Variants in KAZN observed in about 807,000 individuals in gnomAD.
KAZN encodes the protein kazrin, periplakin interacting protein.
In KAZN, 40 loss-of-function variants were observed where a neutral mutation model predicts 87.4. The ratio of observed to expected loss-of-function variants is 0.46; its 90% confidence interval spans 0.36 to 0.60. KAZN has a LOEUF of 0.60. KAZN is among the 20% of genes least tolerant of loss of function. KAZN has a pLI of 0.00. For missense variants in KAZN, 898 were observed against 1,073.9 expected (o/e 0.84, Z 2.29); for synonymous variants, 466 against 458.3 (o/e 1.02, Z -0.22).
chr1:14,300,394 G>A (rs1325607793), intron 2 of KAZN, among the ~76,000 whole-genome samples: 1 of 152,022 alleles, frequency 6.6e-6, no homozygotes, highest in African/African-American at 2.4e-5. Flanking sequence ...ACCATGCCCT[G>A]CTAATTGTTG....
intron 1 of KAZN, among the ~76,000 whole-genome samples, chr1:13,967,990 G>A (rs576922345): frequency 2.0e-5 from 3 of 152,340 alleles, no homozygotes; most frequent in South Asian, 2.1e-4. Context: ...AGATTGGGCA[G>A]TGCCTCTCCC....
chr1:14,308,500 A>G (rs1331719628), intron 2 of KAZN, among the ~76,000 whole-genome samples: 2 of 152,240 alleles, frequency 1.3e-5, no homozygotes, highest in Non-Finnish European at 2.9e-5. Context: ...TTTCATGAAC[A>G]ATTCTTGTAT....
chr1:14,793,922 C>T (rs893214562), intron 1 of KAZN, among the ~76,000 whole-genome samples: 3 of 152,200 alleles, frequency 2.0e-5, no homozygotes, highest in Non-Finnish European at 1.5e-5. Context: ...CTGTTAGGGG[C>T]CCCATGAAAC....
At chr1:14,295,996 G>A (rs968913283) in intron 2 of KAZN, among the ~76,000 whole-genome samples, 4 of 152,060 alleles carry the variant, frequency 2.6e-5, no homozygotes, top group African/African-American at 9.7e-5. Flanking sequence ...TGTGACCTGG[G>A]GCAAGTTCAC....
At chr1:14,424,747 C>G (rs565361868) in intron 2 of KAZN, among the ~76,000 whole-genome samples, 15 of 152,198 alleles carry the variant, frequency 9.9e-5, no homozygotes, top group Non-Finnish European at 2.2e-4. Context: ...GCCAGTTATT[C>G]CTATCTCCTA....
intron 2 of KAZN, among the ~76,000 whole-genome samples, chr1:14,206,923 C>G (rs1235862470): frequency 1.3e-5 from 2 of 151,400 alleles, no homozygotes; most frequent in Non-Finnish European, 2.9e-5. Flanking sequence ...GTAAATGATT[C>G]TGTGCATTTC....
intron 2 of KAZN, among the ~76,000 whole-genome samples, chr1:14,240,045 C>T (rs1487874575): frequency 6.6e-6 from 1 of 152,120 alleles, no homozygotes; most frequent in Non-Finnish European, 1.5e-5. Flanking sequence ...GGGCAAAGGC[C>T]TTGACTGTCT....
At position 14,598,997 on chromosome 1, in the gene KAZN, C is replaced by T. The variant is rs781396300; in HGVS notation, c.-1C>T. On this transcript the variant is annotated 5_prime_UTR_variant, in exon 1 of 15. Transcript: ENST00000376030. The surrounding 1 kb of genome is among the most constrained non-coding windows in gnomAD (Gnocchi z 4.2). ...CTCGCCCCCAGGCCAAAATCCTGAG[C>T]ATGATGGAAGACAATAAGCAGCTCG... 1.7e-5 allele frequency: 27 copies of T among 1,570,250 alleles called. No individual in the cohort carries two copies. In the South Asian group the frequency reaches 2.7e-4, roughly 15 times the overall value.
At chr1:14,301,911 C>A (rs1348509195) in intron 2 of KAZN, among the ~76,000 whole-genome samples, 1 of 152,192 alleles carries the variant, frequency 6.6e-6, no homozygotes, top group Non-Finnish European at 1.5e-5. Context: ...CCTATCACAT[C>A]ACCTTGTTTT....
At chr1:13,921,866 C>T (rs963796509) in intron 1 of KAZN, among the ~76,000 whole-genome samples, 6 of 152,006 alleles carry the variant, frequency 3.9e-5, no homozygotes, top group Admixed American at 2.0e-4. Context: ...CTCCTGACCT[C>T]GTGATCTGCC....
intron 1 of KAZN, among the ~76,000 whole-genome samples, chr1:14,135,839 G>C (rs548210392): frequency 6.6e-6 from 1 of 152,268 alleles, no homozygotes; most frequent in East Asian, 1.9e-4. Context: ...AATTAAAATG[G>C]AGGCTGCTCA....
chr1:14,485,433 G>A (rs1176737023), intron 2 of KAZN, among the ~76,000 whole-genome samples: 1 of 152,098 alleles, frequency 6.6e-6, no homozygotes, highest in Non-Finnish European at 1.5e-5. Flanking sequence ...GCTACAACAG[G>A]GCCAGGGGCA....
At chr1:14,561,267 C>T (rs888509411) in intron 2 of KAZN, among the ~76,000 whole-genome samples, 4 of 152,150 alleles carry the variant, frequency 2.6e-5, no homozygotes, top group Admixed American at 1.3e-4. Context: ...GGGAATATTC[C>T]GAGTGGGTAA....
chr1:14,594,000 C>T (rs1676348096), upstream of KAZN, among the ~76,000 whole-genome samples: 1 of 152,166 alleles, frequency 6.6e-6, no homozygotes, highest in African/African-American at 2.4e-5. Flanking sequence ...GTGGTTCATT[C>T]CTAAATCTGG....
chr1:14,330,519 A>G (rs1656768044), intron 2 of KAZN, among the ~76,000 whole-genome samples: 1 of 152,234 alleles, frequency 6.6e-6, no homozygotes, highest in African/African-American at 2.4e-5. Flanking sequence ...AGGTCTCAGA[A>G]GAAAAATGAA....
chr1:14,576,345 AATAG>A lies in KAZN; in HGVS notation c.250-22635_250-22632del, dbSNP rs1365370535. Among the ~76,000 whole-genome samples the A allele has an allele frequency of 1.2e-4, 18 of 147,758 alleles. No homozygotes were observed. The East Asian group carries it at 3.4e-3, about 28-fold the overall frequency. ...GGATGGATGGATGGACGGACAGATA[AATAG>A]ATGGGTAGATGGATGATGGAACAAT... On this transcript the variant is annotated intron_variant, in intron 2 of 16. Coordinates refer to the KAZN transcript ENST00000636203.
Position 14,985,244 on chromosome 1 carries a change from TTGGTGGGAGG to T in KAZN, c.418+24370_418+24379del, listed in dbSNP as rs1449435798. On this transcript the variant is annotated intron_variant, in intron 2 of 14. Coordinates refer to ENST00000376030, the MANE Select transcript of KAZN (RefSeq NM_201628.3). ...GGCTCACGCCTATAATCCCAGAACT[TTGGTGGGAGG>T]CCAAGGTGGGAGGCCAAGGTGGGAG... Among the ~76,000 whole-genome samples, 1,071 of 110,322 alleles carry T rather than the reference TTGGTGGGAGG, an allele frequency of 9.7e-3. 6 individuals carry two copies. The highest frequency in any genetic ancestry group is 0.043 in the African/African-American group (976 of 22,908). 72.4% of individuals were successfully genotyped at this position (110,322 alleles called of 152,430 possible). A position where few individuals can be genotyped will look rare whatever the true frequency, so the allele number is the denominator to read the frequency against.
At chr1:14,144,239 A>G (rs919443645) in intron 1 of KAZN, among the ~76,000 whole-genome samples, 1 of 151,530 alleles carries the variant, frequency 6.6e-6, no homozygotes, top group Admixed American at 6.6e-5. Flanking sequence ...CATTCCAGGA[A>G]TTCCTTCATC....
At chr1:14,280,723 T>C (rs1316018145) in intron 2 of KAZN, among the ~76,000 whole-genome samples, 1 of 152,212 alleles carries the variant, frequency 6.6e-6, no homozygotes, top group Non-Finnish European at 1.5e-5. Context: ...ATTACAGCAG[T>C]CCTGGGAAAC....
Sources: allele counts gnomAD v4.1 joint callset (sites outside exome capture counted in the v4.1 genomes callset), GRCh38; gene constraint gnomAD v4.1.1; non-coding constraint Gnocchi (gnomAD v3.1); transcripts MANE v1.5; gene names NCBI Gene and HGNC (gene_info 2026-07-23, HGNC 2026-07-21).